Variants in OR1D2 observed in about 807,000 individuals in gnomAD.
OR1D2 encodes olfactory receptor family 1 subfamily D member 2, also known as olfactory receptor 1D2.
For missense variants in OR1D2, 357 were observed against 376.1 expected (o/e 0.95, Z 0.42); for synonymous variants, 157 against 153.9 (o/e 1.02, Z -0.15).
chr17:3,102,699 C>T (rs1330809971), intron 1 of OR1D2, among the ~76,000 whole-genome samples: 2 of 152,086 alleles, frequency 1.3e-5, no homozygotes, highest in Non-Finnish European at 2.9e-5. Context: ...CAATAATGCC[C>T]ACCTCCCCCG....
rs201756340 is a variant in OR1D2 at position 3,092,374 on chromosome 17, A to G, written c.623T>C (p.Leu208Pro). The G allele has an allele frequency of 6.2e-7, 1 of 1,614,228 alleles. No homozygotes were observed. Among genetic ancestry groups the G allele is most frequent in the East Asian group, 2.2e-5 (1 of 44,880 alleles). Residue 208 changes from leucine (L) to proline (P), a missense_variant, in exon 2 of 2, where the codon CTC (leucine) becomes CCC (proline). Leu to Pro is a moderately conservative substitution (Grantham distance 98). Transcript: ENST00000641833. ...AATGATCACGAATCCAAAGGGAATG[A>G]GGAAGATGAAGCAGCCTGTGGCAAT... is the stretch of plus-strand genomic sequence containing the variant. ...VLIATGCFIFLIPFGFVIISY... is the reference protein window; with the variant it reads ...VLIATGCFIFPIPFGFVIISY...
At chr17:3,103,393 A>G (rs2047882925) in intron 1 of OR1D2, among the ~76,000 whole-genome samples, 1 of 152,058 alleles carries the variant, frequency 6.6e-6, no homozygotes, top group Admixed American at 6.5e-5. Context: ...GGCGTGAGCC[A>G]TTGCATCTGG....
At chr17:3,096,124 G>A (rs2047843588) in intron 1 of OR1D2, among the ~76,000 whole-genome samples, 1 of 152,008 alleles carries the variant, frequency 6.6e-6, no homozygotes, top group Non-Finnish European at 1.5e-5. Flanking sequence ...AATGCAACAT[G>A]AGAAAATATT....
intron 1 of OR1D2, among the ~76,000 whole-genome samples, chr17:3,094,511 C>G (rs377233639): frequency 3.3e-5 from 5 of 152,206 alleles, no homozygotes; most frequent in East Asian, 1.9e-4. Context: ...GGGAACTAAG[C>G]AAATAGGTAA....
chr17:3,098,901 G>A (rs2047861663), intron 1 of OR1D2, among the ~76,000 whole-genome samples: 1 of 152,086 alleles, frequency 6.6e-6, no homozygotes, highest in Non-Finnish European at 1.5e-5. Flanking sequence ...ATCACCAGCT[G>A]AACCGACCAA....
chr17:3,099,698 T>C (rs1217120783), intron 1 of OR1D2, among the ~76,000 whole-genome samples: 3 of 152,192 alleles, frequency 2.0e-5, no homozygotes, highest in African/African-American at 7.2e-5. Context: ...GTAAATGGGC[T>C]AAATGCCCCA....
chr17:3,096,403 A>G (rs970949021), intron 1 of OR1D2, among the ~76,000 whole-genome samples: 2 of 152,276 alleles, frequency 1.3e-5, no homozygotes, highest in African/African-American at 4.8e-5. Flanking sequence ...CCATGCAATC[A>G]GGAACCACAA....
At position 3,095,264 on chromosome 17, in the gene OR1D2, A is replaced by T. The variant is rs2047838470; in HGVS notation, c.-50-2218T>A. Among the ~76,000 whole-genome samples the T allele has an allele frequency of 2.0e-5, 3 of 152,130 alleles. No homozygotes were observed. The South Asian group carries it at 6.2e-4, about 31-fold the overall frequency. On this transcript the variant is annotated intron_variant, in intron 1 of 1. Coordinates refer to ENST00000641833, the MANE Select transcript of OR1D2 (RefSeq NM_002548.3). ...GGAGAAAATCTTGAAATCAGCAAGT[A>T]AAAAAGATTTTTTACTTACAAAGGA...
chr17:3,092,024 G>T lies in OR1D2; in HGVS notation c.*34C>A. 6.7e-7 allele frequency: 1 copy of T among 1,484,150 alleles called. No individual in the cohort carries two copies. Among genetic ancestry groups the T allele is most frequent in the Non-Finnish European group, 9.3e-7 (1 of 1,079,308 alleles). 91.9% of individuals were successfully genotyped at this position (1,484,150 alleles called of 1,614,324 possible). A position where few individuals can be genotyped will look rare whatever the true frequency, so the allele number is the denominator to read the frequency against. Reference sequence around the variant, plus strand: ...TTACATAGGGTGAAGGATATTCCTAGTCTCCACTTTAATGCTGTCTTTCCA... The same window carrying T: ...TTACATAGGGTGAAGGATATTCCTATTCTCCACTTTAATGCTGTCTTTCCA... On this transcript the variant is annotated 3_prime_UTR_variant, in exon 2 of 2. Coordinates refer to ENST00000641833, the MANE Select transcript of OR1D2 (RefSeq NM_002548.3).
chr17:3,103,695 G>A (rs2047884187), intron 1 of OR1D2, among the ~76,000 whole-genome samples: 1 of 152,136 alleles, frequency 6.6e-6, no homozygotes, highest in Non-Finnish European at 1.5e-5. Context: ...CCCCTCTGTT[G>A]TGTTGCTGGG....
intron 1 of OR1D2, among the ~76,000 whole-genome samples, chr17:3,099,329 C>T (rs2047864089): frequency 6.6e-6 from 1 of 152,212 alleles, no homozygotes; most frequent in Non-Finnish European, 1.5e-5. Context: ...GTGGATCTCT[C>T]TGCAGAAACC....
rs1230695042 is a variant in OR1D2, at chr17:3,090,483, G to A, written c.*1575C>T. 6.6e-6 allele frequency: 1 copy of A among 152,166 alleles called. No individual in the cohort carries two copies. Among genetic ancestry groups the A allele is most frequent in the East Asian group, 1.9e-4 (1 of 5,198 alleles). 9.4% of individuals were successfully genotyped at this position (152,166 alleles called of 1,614,324 possible). Reference sequence around the variant, plus strand: ...TTGATGGTTTCTGAAGCTTTATTTTGTTCCTTTGGCTTTGCTAAGTTTCCT... The same window carrying A: ...TTGATGGTTTCTGAAGCTTTATTTTATTCCTTTGGCTTTGCTAAGTTTCCT... On this transcript the variant is annotated 3_prime_UTR_variant, in exon 2 of 2. Transcript: ENST00000641833.
chr17:3,092,135 TG>T lies in OR1D2; in HGVS notation c.861del (p.Phe287LeufsTer5). 1.2e-6 allele frequency: 2 copies of T among 1,614,190 alleles called. No individual in the cohort carries two copies. Among genetic ancestry groups the T allele is most frequent in the Non-Finnish European group, 1.7e-6 (2 of 1,180,026 alleles). ...ATGTCCTTGTTCCTCAGGCTGTAGATGAAGGGATTCATCATGGGTGTCACCA... is the reference window on the plus strand; with the variant it reads ...ATGTCCTTGTTCCTCAGGCTGTAGATAAGGGATTCATCATGGGTGTCACCA... ...YAVVTPMMNPFIYSLRNKDMH... is the reference protein window; with the variant it reads ...YAVVTPMMNPXIYSLRNKDMH... On this transcript the variant is annotated frameshift_variant, in exon 2 of 2. Transcript: ENST00000641833. LOFTEE classifies it high-confidence loss of function.
At position 3,092,896 on chromosome 17, in the gene OR1D2, A is replaced by G. The variant is rs754622759; in HGVS notation, c.101T>C (p.Met34Thr). 3 of 1,614,054 alleles carry G rather than the reference A, an allele frequency of 1.9e-6. No individual in the cohort carries two copies. The highest frequency in any genetic ancestry group is 1.6e-4 in the Middle Eastern group (1 of 6,062). ...ATTTCCCACCACCGTGACCAGGTAC[A>G]TGGACAGGAACATCCAAAACAGGAT... ...QRILFWMFLS[M>T]YLVTVVGNVL... The change falls in exon 2 of 2, where the codon ATG becomes ACG. Residue 34 changes from methionine to threonine, a missense_variant. Physicochemically the swap from Met to Thr is moderately conservative, Grantham distance 81 (BLOSUM62 -1). Coordinates refer to ENST00000641833, the MANE Select transcript of OR1D2 (RefSeq NM_002548.3).
chr17:3,092,066 G>T lies in OR1D2; in HGVS notation c.931C>A (p.Leu311Met). The T allele has an allele frequency of 1.2e-6, 2 of 1,604,148 alleles. No individual in the cohort carries two copies. The highest frequency in any genetic ancestry group is 1.7e-6 in the Non-Finnish European group (2 of 1,175,512). ...GTCTTTCCAAATTGCCCTCATGTCA[G>T]CCTCTTAAAGTGTTTATCTAGGAGT... The part of the protein sequence containing the change: ...GRLLDKHFKR[L>M]T Residue 311 changes from leucine (L) to methionine (M), a missense_variant, in exon 2 of 2, where the codon CTG (leucine) becomes ATG (methionine). Coordinates refer to ENST00000641833, the MANE Select transcript of OR1D2 (RefSeq NM_002548.3).
intron 1 of OR1D2, among the ~76,000 whole-genome samples, chr17:3,095,815 G>A (rs886493636): frequency 6.6e-6 from 1 of 151,980 alleles, no homozygotes; most frequent in African/African-American, 2.4e-5. Context: ...TAACATGTTT[G>A]TCGATTACAG....
intron 1 of OR1D2, among the ~76,000 whole-genome samples, chr17:3,102,635 C>T (rs571192261): frequency 5.9e-5 from 9 of 152,280 alleles, no homozygotes; most frequent in East Asian, 3.9e-4. Context: ...TTTGAGCCCC[C>T]GTTCTGCCTC....
intron 1 of OR1D2, among the ~76,000 whole-genome samples, chr17:3,102,892 G>C (rs753661120): frequency 1.9e-4 from 29 of 152,108 alleles, no homozygotes; most frequent in Non-Finnish European, 3.5e-4. Flanking sequence ...AGAGCAACAG[G>C]GTTCCCAGTC....
At chr17:3,100,517 G>C (rs1249804925) in intron 1 of OR1D2, among the ~76,000 whole-genome samples, 1 of 152,110 alleles carries the variant, frequency 6.6e-6, no homozygotes, top group Non-Finnish European at 1.5e-5. Flanking sequence ...CTGGGACACA[G>C]CTAAAGCAGT....
Sources: gnomAD v4.1 joint callset for allele counts (sites outside exome capture counted in the v4.1 genomes callset) on GRCh38, gnomAD v4.1.1 for gene constraint, MANE v1.5 for transcripts, NCBI Gene and HGNC (gene_info 2026-07-23, HGNC 2026-07-21) for gene names.